FBRS: variants seen among roughly 807,000 people sequenced by gnomAD.
The protein encoded by FBRS is fibrosin, also known as probable fibrosin-1.
A neutral mutation model predicts 86.1 loss-of-function variants in FBRS; 15 were observed. The ratio of observed to expected loss-of-function variants is 0.17; its 90% CI spans 0.12 to 0.27. The LOEUF (loss-of-function observed/expected upper bound fraction) is 0.27. FBRS is among the 10% of genes least tolerant of loss of function. FBRS has a pLI of 1.00. For missense variants in FBRS, 1,367 were observed against 1,301.6 expected (o/e 1.05, Z -0.77); for synonymous variants, 666 against 575.8 (o/e 1.16, Z -2.24).
Position 30,664,390 on chromosome 16 carries a change from G to A in FBRS, c.1231G>A (p.Gly411Arg), listed in dbSNP as rs2052496254. ...PLSTHSFPPPGLRPPPPPHHP... is the reference protein window; with the variant it reads ...PLSTHSFPPPRLRPPPPPHHP... The stretch of plus-strand genomic sequence containing the variant: ...GTCCACCCACAGCTTTCCCCCTCCC[G>A]GGCTGCGGCCCCCCCCACCACCCCA... Residue 411 changes from glycine (G) to arginine (R), a missense_variant, in exon 7 of 18, where the codon GGG becomes AGG. This residue lies in a region of FBRS where 702 missense variants were observed against 598.7 expected (regional missense o/e 1.17). Transcript: ENST00000356166. The A allele has an allele frequency of 1.5e-5, 21 of 1,381,082 alleles. No homozygotes were observed. The highest frequency in any genetic ancestry group is 3.0e-5 in the African/African-American group (2 of 67,386). 85.6% of individuals were successfully genotyped at this position (1,381,082 alleles called of 1,614,324 possible).
In FBRS at chr16:30,659,899, T is replaced by TGAGGAGGAGGAAGAG. The variant is rs2052435931; in HGVS notation, c.393_407dup (p.Glu131_Glu135dup). 6.5e-7 allele frequency: 1 copy of TGAGGAGGAGGAAGAG among 1,550,028 alleles called. No homozygotes were observed. ...ACGACGGCGAAGCCGAGGAGGAGCCTGAGGAGGAGGAAGAGGAGGAGGAGG... is the reference window on the plus strand; with the variant it reads ...ACGACGGCGAAGCCGAGGAGGAGCCTGAGGAGGAGGAAGAGGAGGAGGAGGAAGAGGAGGAGGAGG... On this transcript the variant is annotated inframe_insertion, in exon 1 of 18. Coordinates refer to ENST00000356166, the MANE Select transcript of FBRS (RefSeq NM_001105079.3).
chr16:30,665,665 C>A lies in FBRS; in HGVS notation c.1732C>A (p.Leu578Met). The change falls in exon 11 of 18, where the codon CTG (leucine) becomes ATG (methionine). Residue 578 changes from leucine (L) to methionine (M), a missense_variant. Leu to Met is a conservative substitution (Grantham distance 15). Transcript: ENST00000356166. This position sits in a 1 kb window ranked among gnomAD's most constrained non-coding sequence, Gnocchi z 4.1. ...KSTNPELPPRLGPVPSGLSQK... is the reference protein window; with the variant it reads ...KSTNPELPPRMGPVPSGLSQK... ...CACGAACCCTGAGCTGCCACCACGACTGGGGCCGGTGCCGAGCGGGCTCTC... is the reference window on the plus strand; with the variant it reads ...CACGAACCCTGAGCTGCCACCACGAATGGGGCCGGTGCCGAGCGGGCTCTC... 1 of 1,592,548 alleles carries A rather than the reference C, an allele frequency of 6.3e-7. No homozygotes were observed. Among genetic ancestry groups the A allele is most frequent in the Non-Finnish European group, 8.5e-7 (1 of 1,169,930 alleles).
At chr16:30,666,206 A>G in intron 11 of FBRS, 3 of 538,282 alleles carry the variant, frequency 5.6e-6, no homozygotes, top group Non-Finnish European at 6.6e-6. Flanking sequence ...AATCTTAAAC[A>G]GACCGCTATA....
Position 30,669,656 on chromosome 16 carries a change from G to A in FBRS, c.*11G>A. Reference sequence around the variant, plus strand: ...CGGGCTGACAGGTGAGGGGAACGGGGGGGGGTCGGGGCAAAGCTCCATCTC... The same window carrying A: ...CGGGCTGACAGGTGAGGGGAACGGGAGGGGGTCGGGGCAAAGCTCCATCTC... On this transcript the variant is annotated 3_prime_UTR_variant, in exon 18 of 18. Coordinates refer to ENST00000356166, the MANE Select transcript of FBRS (RefSeq NM_001105079.3). This position sits in a 1 kb window ranked among gnomAD's most constrained non-coding sequence, Gnocchi z 5.9. The A allele has an allele frequency of 3.8e-6, 6 of 1,580,096 alleles. No individual in the cohort carries two copies. Among genetic ancestry groups the A allele is most frequent in the Admixed American group, 1.8e-5 (1 of 55,760 alleles).
At chr16:30,660,701 G>T in intron 2 of FBRS, 1 of 548,002 alleles carries the variant, frequency 1.8e-6, no homozygotes, top group Non-Finnish European at 2.8e-6. Flanking sequence ...TAGTTGGGTC[G>T]TAAATTAATT....
Position 30,660,246 on chromosome 16 carries a change from C to T in FBRS, c.460-17C>T, listed in dbSNP as rs183450035. The T allele has an allele frequency of 1.5e-5, 20 of 1,331,174 alleles. No homozygotes were observed. In the East Asian group the frequency reaches 4.0e-4, roughly 26 times the overall value. The allele number at this position is 1,331,174 out of a possible 1,614,324, so 82.5% of individuals were successfully genotyped here. A position where few individuals can be genotyped will look rare whatever the true frequency, so the allele number is the denominator to read the frequency against. ...TGCCCTTTTCCATCTATCTCAGCCC[C>T]ACCTCCTCCTCCACAGAAGGATGCA... On this transcript the variant is annotated splice_polypyrimidine_tract_variant and intron_variant, in intron 1 of 17. Transcript: ENST00000356166.
intron 2 of FBRS, among the ~76,000 whole-genome samples, chr16:30,660,803 G>C (rs1330814466): frequency 6.6e-6 from 1 of 152,322 alleles, no homozygotes; most frequent in South Asian, 2.1e-4. Context: ...AGAAGCTACA[G>C]AAGACAAAGA....
Position 30,668,612 on chromosome 16 carries a change from G to A in FBRS, c.2127G>A (p.Gly709=). 9.3e-6 allele frequency: 15 copies of A among 1,611,794 alleles called. No individual in the cohort carries two copies. The highest frequency in any genetic ancestry group is 1.2e-5 in the Non-Finnish European group (14 of 1,178,290). ...CCTCTTTGGCTGCCCTCTCCAACGGGGCCTTTGGAGGCCTGGGCAGCCCCA... is the reference window on the plus strand; with the variant it reads ...CCTCTTTGGCTGCCCTCTCCAACGGAGCCTTTGGAGGCCTGGGCAGCCCCA... ...SFASLAALSN[G]AFGGLGSPTF... is the part of the protein sequence containing the mutation. Residue 709 remains glycine (G), a synonymous_variant, in exon 16 of 18, where the codon GGG becomes GGA. Coordinates refer to ENST00000356166, the MANE Select transcript of FBRS (RefSeq NM_001105079.3).
intron 12 of FBRS, 42 bp from the exon 13 acceptor site, chr16:30,666,871 AACGTTC>A (rs2052528022): frequency 1.3e-6 from 2 of 1,581,144 alleles, no homozygotes; most frequent in Non-Finnish European, 1.7e-6. Flanking sequence ...ATGATGAGTG[AACGTTC>A]TTTCCTTCCC....
intron 2 of FBRS, 86 bp from the exon 3 acceptor site, chr16:30,661,094 G>A: frequency 6.5e-7 from 1 of 1,543,302 alleles, no homozygotes; most frequent in Non-Finnish European, 8.8e-7. Context: ...GATCCTGGAG[G>A]CCCATGAGCG....
rs1596610643 is a variant in FBRS at position 30,658,747 on chromosome 16, C to T, written c.-772C>T. On this transcript the variant is annotated 5_prime_UTR_variant, in exon 1 of 18. Coordinates refer to ENST00000356166, the MANE Select transcript of FBRS (RefSeq NM_001105079.3). Reference sequence around the variant, plus strand: ...CGACCGGAGGCGGAGGCTGGAGGAGCTGGGCCCGGAGGAGGCCCCTTTAAA... The same window carrying T: ...CGACCGGAGGCGGAGGCTGGAGGAGTTGGGCCCGGAGGAGGCCCCTTTAAA... 6.6e-6 allele frequency: 1 copy of T among 152,352 alleles called. No individual in the cohort carries two copies. Among genetic ancestry groups the T allele is most frequent in the East Asian group, 1.9e-4 (1 of 5,164 alleles). The allele number at this position is 152,352 out of a possible 1,614,324, so 9.4% of individuals were successfully genotyped here.
Position 30,669,184 on chromosome 16 carries a change from A to T in FBRS, c.2482A>T (p.Lys828Ter). 1 of 1,550,966 alleles carries T rather than the reference A, an allele frequency of 6.4e-7. No individual in the cohort carries two copies. ...KESVRVKEERKEEAAAAAAAA... is the reference protein window; with the variant it reads ...KESVRVKEER The stretch of plus-strand genomic sequence containing the variant: ...ATCTGTGCGGGTAAAGGAAGAGCGG[A>T]AGGAGGAGGCTGCCGCCGCCGCTGC... The change falls in exon 18 of 18, where the codon AAG (lysine) becomes TAG (stop). Residue 828 changes from lysine to a stop codon, truncating the protein, a stop_gained. Coordinates refer to ENST00000356166, the MANE Select transcript of FBRS (RefSeq NM_001105079.3). LOFTEE classifies it high-confidence loss of function. This position sits in a 1 kb window ranked among gnomAD's most constrained non-coding sequence, Gnocchi z 5.9.
Position 30,659,786 on chromosome 16 carries a change from C to A in FBRS, c.268C>A (p.Pro90Thr). The part of the protein sequence containing the change: ...RRRRPRPRPR[P>T]PRPRARKRPA... ...CCGGCGGCCCCGTCCGAGACCTCGA[C>A]CCCCGCGACCCCGAGCTCGGAAGCG... The change falls in exon 1 of 18, where the codon CCC (proline) becomes ACC (threonine). Residue 90 changes from proline to threonine, a missense_variant. Coordinates refer to ENST00000356166, the MANE Select transcript of FBRS (RefSeq NM_001105079.3). 1 of 1,489,080 alleles carries A rather than the reference C, an allele frequency of 6.7e-7. No individual in the cohort carries two copies. Among genetic ancestry groups the A allele is most frequent in the South Asian group, 1.3e-5 (1 of 79,576 alleles). The allele number at this position is 1,489,080 out of a possible 1,614,324, so 92.2% of individuals were successfully genotyped here.
Position 30,665,683 on chromosome 16 carries a change from G to A in FBRS, c.1750G>A (p.Gly584Arg), listed in dbSNP as rs777675761. ...LPPRLGPVPS[G>R]LSQKGTQIPD... is the part of the protein sequence containing the mutation. ...ACCACGACTGGGGCCGGTGCCGAGC[G>A]GGCTCTCCCAGAAGGGGACACAGGT... Residue 584 changes from glycine to arginine, a missense_variant, in exon 11 of 18, where the codon GGG (glycine) becomes AGG (arginine). Around this residue, in one of 3 missense-constraint regions of FBRS, gnomAD observed 659 missense variants for 678.8 expected, o/e 0.97. Transcript: ENST00000356166. This position sits in a 1 kb window ranked among gnomAD's most constrained non-coding sequence, Gnocchi z 4.1. 14 of 1,588,788 alleles carry A rather than the reference G, an allele frequency of 8.8e-6. No homozygotes were observed. The Admixed American group carries it at 9.0e-5, about 10-fold the overall frequency.
chr16:30,667,662 C>G (rs755398536), intron 15 of FBRS, 40 bp downstream of exon 15: 78 of 1,449,354 alleles, frequency 5.4e-5, no homozygotes, highest in Non-Finnish European at 7.0e-5. Context: ...AGGCTTTGTC[C>G]CTGACTTCCA....
Position 30,669,091 on chromosome 16 carries a change from C to A in FBRS, c.2389C>A (p.Gln797Lys). 1 of 1,599,962 alleles carries A rather than the reference C, an allele frequency of 6.3e-7. No homozygotes were observed. Among genetic ancestry groups the A allele is most frequent in the Admixed American group, 1.7e-5 (1 of 58,414 alleles). Residue 797 changes from glutamine (Q) to lysine (K), a missense_variant, in exon 18 of 18, where the codon CAG (glutamine) becomes AAG (lysine). By Grantham distance (53) the Gln-to-Lys change is moderately conservative. Transcript: ENST00000356166. The surrounding 1 kb of genome is among the most constrained non-coding windows in gnomAD (Gnocchi z 5.9). ...CAGGGACCTCCCCTTCTCACGGCCC[C>A]AGCTCCGAGTTTCTCCTGCTACTCC... ...KDRDLPFSRPQLRVSPATPKA... is the reference protein window; with the variant it reads ...KDRDLPFSRPKLRVSPATPKA...
chr16:30,663,435 A>G (rs931543304), intron 6 of FBRS, among the ~76,000 whole-genome samples: 1 of 151,828 alleles, frequency 6.6e-6, no homozygotes, highest in Admixed American at 6.6e-5. Context: ...GTCCTGAGTT[A>G]GCTTTTGTGA....
rs1466180288 is a variant in FBRS, at chr16:30,660,002, C to T, written c.459+25C>T. ...GGTGGGGCCTAATGGGGCTAGGAGACTTTGGGGGTTTCCGAGGGGCAGCAA... is the reference window on the plus strand; with the variant it reads ...GGTGGGGCCTAATGGGGCTAGGAGATTTTGGGGGTTTCCGAGGGGCAGCAA... On this transcript the variant is annotated intron_variant, in intron 1 of 17. Coordinates refer to ENST00000356166, the MANE Select transcript of FBRS (RefSeq NM_001105079.3). The T allele has an allele frequency of 8.4e-6, 13 of 1,542,386 alleles. No individual in the cohort carries two copies. In the South Asian group the frequency reaches 1.4e-4, roughly 17 times the overall value.
chr16:30,669,436 GCTGCCCGCCTCTACGGTCTGGAAC>G lies in FBRS; in HGVS notation c.2739_2762del (p.Arg914_Ala921del). The stretch of plus-strand genomic sequence containing the variant: ...GCTAACTGGACCCGGGGCCGTGGCC[GCTGCCCGCCTCTACGGTCTGGAAC>G]CTGCTCACCCCTTGCTCTACAGCCG... On this transcript the variant is annotated inframe_deletion, in exon 18 of 18. Transcript: ENST00000356166. This position sits in a 1 kb window ranked among gnomAD's most constrained non-coding sequence, Gnocchi z 5.9. 6.2e-7 allele frequency: 1 copy of G among 1,612,794 alleles called. No individual in the cohort carries two copies. Among genetic ancestry groups the G allele is most frequent in the East Asian group, 2.2e-5 (1 of 44,870 alleles).
Sources: allele counts gnomAD v4.1 joint callset (sites outside exome capture counted in the v4.1 genomes callset), GRCh38; gene constraint gnomAD v4.1.1; regional missense constraint gnomAD v4.1.1; non-coding constraint Gnocchi (gnomAD v3.1); transcripts MANE v1.5; gene names NCBI Gene and HGNC (gene_info 2026-07-23, HGNC 2026-07-21).